Variants in PEBP4 observed in about 807,000 individuals in gnomAD.
The protein encoded by PEBP4 is phosphatidylethanolamine-binding protein 4.
PEBP4 carries 22 observed loss-of-function variants against 23.9 expected under a neutral mutation model. The observed-to-expected ratio is 0.92, with a 90% CI of 0.66 to 1.31. The LOEUF (loss-of-function observed/expected upper bound fraction) is 1.31, where lower values mean the gene tolerates loss of function less well. Ranked by LOEUF, PEBP4 falls within the 40% of genes most tolerant of loss-of-function variation. The pLI, the probability that PEBP4 is intolerant of heterozygous loss-of-function variation, is 0.00. For missense variants in PEBP4, 324 were observed against 281.7 expected (o/e 1.15, Z -1.07); for synonymous variants, 112 against 99.3 (o/e 1.13, Z -0.76).
intron 4 of PEBP4, among the ~76,000 whole-genome samples, chr8:22,738,507 T>G (rs34520695): frequency 0.044 from 6,653 of 152,172 alleles, 205 homozygotes; most frequent in Middle Eastern, 0.12. Context: ...TTTCCAGAAC[T>G]GGTGGGAATG....
chr8:22,889,669 ATAAAGTG>A (rs1808452765), intron 3 of PEBP4, among the ~76,000 whole-genome samples: 2 of 8,248 alleles, frequency 2.4e-4, no homozygotes, highest in African/African-American at 3.2e-4. Context: ...GTATGTTTTT[ATAAAGTG>A]CAGAAATATG....
At chr8:22,887,876 A>G (rs951646055) in intron 3 of PEBP4, 2 of 152,208 alleles carry the variant, frequency 1.3e-5, no homozygotes, top group Non-Finnish European at 2.9e-5. Flanking sequence ...GCGCATGCAC[A>G]CGCTGGGAAC....
At chr8:22,925,542 C>T (rs1355957824) in intron 2 of PEBP4, among the ~76,000 whole-genome samples, 2 of 152,178 alleles carry the variant, frequency 1.3e-5, no homozygotes, top group Non-Finnish European at 2.9e-5. Flanking sequence ...TCAAGGAGTC[C>T]AGGCACCGGC....
chr8:22,837,759 G>C (rs1220374096), intron 3 of PEBP4, among the ~76,000 whole-genome samples: 1 of 152,140 alleles, frequency 6.6e-6, no homozygotes, highest in Non-Finnish European at 1.5e-5. Flanking sequence ...CCTTGGACCA[G>C]AGAAGCTGTC....
intron 4 of PEBP4, among the ~76,000 whole-genome samples, chr8:22,799,001 G>C (rs891343492): frequency 3.9e-5 from 6 of 152,086 alleles, no homozygotes; most frequent in African/African-American, 1.4e-4. Flanking sequence ...GCATCCCAAA[G>C]CCCTGGGATT....
At chr8:22,834,221 C>T (rs967320841) in intron 3 of PEBP4, among the ~76,000 whole-genome samples, 4 of 152,200 alleles carry the variant, frequency 2.6e-5, no homozygotes, top group Non-Finnish European at 4.4e-5. Flanking sequence ...TGTGTTTGAG[C>T]CTCCCCCACC....
intron 3 of PEBP4, among the ~76,000 whole-genome samples, chr8:22,902,247 T>C (rs1808727272): frequency 6.6e-6 from 1 of 152,168 alleles, no homozygotes. Flanking sequence ...GATAATTGCT[T>C]GAACCTAGGA....
chr8:22,909,901 T>G (rs1171940528), intron 3 of PEBP4, among the ~76,000 whole-genome samples: 1 of 152,204 alleles, frequency 6.6e-6, no homozygotes, highest in African/African-American at 2.4e-5. Context: ...AATATCACCA[T>G]GTAGTAAACA....
intron 3 of PEBP4, among the ~76,000 whole-genome samples, chr8:22,913,985 CTTTTT>C (rs1165242168): frequency 1.6e-5 from 2 of 123,120 alleles, no homozygotes; most frequent in Non-Finnish European, 1.7e-5. Flanking sequence ...GGCCTGGCTA[CTTTTT>C]TTTTTTTTTT....
chr8:22,785,292 C>T (rs571765880), intron 4 of PEBP4, among the ~76,000 whole-genome samples: 19 of 152,278 alleles, frequency 1.2e-4, no homozygotes, highest in African/African-American at 3.9e-4. Flanking sequence ...ATACTAGAAC[C>T]GGAATCGAGA....
chr8:22,748,644 G>A (rs1031124930), intron 4 of PEBP4, among the ~76,000 whole-genome samples: 3 of 151,902 alleles, frequency 2.0e-5, no homozygotes, highest in Non-Finnish European at 2.9e-5. Flanking sequence ...GAGTTCACCC[G>A]GCTGTCAGCA....
At chr8:22,916,520 G>A (rs1448223751) in intron 3 of PEBP4, among the ~76,000 whole-genome samples, 1 of 152,168 alleles carries the variant, frequency 6.6e-6, no homozygotes, top group Non-Finnish European at 1.5e-5. Flanking sequence ...CCCCTAGGGG[G>A]AGGAGAGAGT....
At chr8:22,923,541 T>A (rs1809256202) in intron 2 of PEBP4, among the ~76,000 whole-genome samples, 1 of 152,116 alleles carries the variant, frequency 6.6e-6, no homozygotes, top group Admixed American at 6.5e-5. Flanking sequence ...CATTCCAGCC[T>A]GGGTGACAGA....
At chr8:22,717,856 C>G (rs548072062) in intron 6 of PEBP4, among the ~76,000 whole-genome samples, 2 of 152,158 alleles carry the variant, frequency 1.3e-5, no homozygotes, top group African/African-American at 4.8e-5. Context: ...ACAGAGAGCC[C>G]GGCTCAGGTC....
chr8:22,845,679 C>A (rs1303030096), intron 3 of PEBP4, among the ~76,000 whole-genome samples: 1 of 152,242 alleles, frequency 6.6e-6, no homozygotes, highest in African/African-American at 2.4e-5. Flanking sequence ...ACCTTGCCAT[C>A]CTTCAGGTTG....
intron 4 of PEBP4, among the ~76,000 whole-genome samples, chr8:22,786,724 T>C (rs140664939): frequency 0.02 from 3,063 of 152,238 alleles, 54 homozygotes; most frequent in South Asian, 0.07. Flanking sequence ...TCAAAGGTTG[T>C]TCATCAGAGC....
intron 4 of PEBP4, among the ~76,000 whole-genome samples, chr8:22,760,308 C>T (rs979508259): frequency 3.3e-5 from 5 of 152,180 alleles, no homozygotes; most frequent in African/African-American, 1.2e-4. Context: ...TGCCCTCCCT[C>T]CTAACCACTA....
At chr8:22,822,969 AAAC>A (rs1335524635) in intron 3 of PEBP4, among the ~76,000 whole-genome samples, 2 of 152,112 alleles carry the variant, frequency 1.3e-5, no homozygotes, top group African/African-American at 2.4e-5. Flanking sequence ...TAATAAATGT[AAAC>A]AACAAGTAAA....
chr8:22,923,038 G>C (rs1357445103), intron 2 of PEBP4, among the ~76,000 whole-genome samples: 2 of 152,192 alleles, frequency 1.3e-5, no homozygotes, highest in Non-Finnish European at 2.9e-5. Flanking sequence ...ACCATACCTT[G>C]AGGCAGCTGT....
Sources: allele counts gnomAD v4.1 joint callset (sites outside exome capture counted in the v4.1 genomes callset), GRCh38; gene constraint gnomAD v4.1.1; transcripts MANE v1.5; gene names NCBI Gene and HGNC (gene_info 2026-07-23, HGNC 2026-07-21).